The following SNX29 variants were observed in gnomAD, a reference collection of about 807,000 sequenced individuals.
SNX29 encodes sorting nexin-29.
In SNX29, 78 loss-of-function variants were observed where a neutral mutation model predicts 102.1. The ratio of observed to expected loss-of-function variants is 0.76; its 90% CI spans 0.64 to 0.92. SNX29 has a LOEUF of 0.92. Among genes scored for constraint, SNX29 ranks in the 40% least tolerant of loss-of-function variants. The pLI is 0.00. For synonymous variants in SNX29, 580 were observed against 414.5 expected, an observed-to-expected ratio of 1.40 and a Z score of -4.85; for missense variants, 1,280 against 1,061.7, an observed-to-expected ratio of 1.21 and a Z score of -2.86.
Position 12,485,255 on chromosome 16 carries a change from G to T in SNX29, c.2178+7396G>T, listed in dbSNP as rs16959733. Among the ~76,000 whole-genome samples, 930 of 152,296 alleles carry T rather than the reference G, an allele frequency of 6.1e-3. 14 individuals carry two copies. Among genetic ancestry groups the T allele is most frequent in the African/African-American group, 0.022 (896 of 41,564 alleles). ...GAGGGAGTTGACCGGTGAGCTGCCTGTCCAAATGGGCTTTAGCAGCATGAG... is the reference window on the plus strand; with the variant it reads ...GAGGGAGTTGACCGGTGAGCTGCCTTTCCAAATGGGCTTTAGCAGCATGAG... On this transcript the variant is annotated intron_variant, in intron 19 of 20. Coordinates refer to ENST00000566228, the MANE Select transcript of SNX29 (RefSeq NM_032167.5).
rs148516611 is a variant in SNX29 at position 12,570,462 on chromosome 16, G to T, written c.*1833G>T. Reference sequence around the variant, plus strand: ...GCCCTAATGGACTGAGGCAGGAAACGTCTAAAAGCTCAATCTGCTGTATGT... The same window carrying T: ...GCCCTAATGGACTGAGGCAGGAAACTTCTAAAAGCTCAATCTGCTGTATGT... On this transcript the variant is annotated 3_prime_UTR_variant, in exon 21 of 21. Transcript: ENST00000566228. 1 of 235,836 alleles carries T rather than the reference G, an allele frequency of 4.2e-6. No homozygotes were observed. The highest frequency in any genetic ancestry group is 8.3e-6 in the Non-Finnish European group (1 of 120,594). 14.6% of individuals were successfully genotyped at this position (235,836 alleles called of 1,614,324 possible). A position where few individuals can be genotyped will look rare whatever the true frequency, so the allele number is the denominator to read the frequency against.
At chr16:12,360,908 T>C (rs781128174) in intron 16 of SNX29, among the ~76,000 whole-genome samples, 1 of 152,194 alleles carries the variant, frequency 6.6e-6, no homozygotes, top group Non-Finnish European at 1.5e-5. Context: ...GTGTATGTAA[T>C]AGAGCCTGGA....
At chr16:12,396,824 G>A (rs372527279) in intron 16 of SNX29, among the ~76,000 whole-genome samples, 3 of 152,190 alleles carry the variant, frequency 2.0e-5, no homozygotes, top group East Asian at 3.9e-4. Flanking sequence ...GATATATAAT[G>A]TATCTGCTTA....
intron 4 of SNX29, among the ~76,000 whole-genome samples, chr16:12,032,240 G>T (rs1404830428): frequency 7.4e-6 from 1 of 134,764 alleles, no homozygotes; most frequent in African/African-American, 2.8e-5. Context: ...TTGCTCTGTT[G>T]CCCAGTTTGC....
intron 14 of SNX29, among the ~76,000 whole-genome samples, chr16:12,275,461 T>C (rs766545723): frequency 6.6e-6 from 1 of 152,270 alleles, no homozygotes; most frequent in Non-Finnish European, 1.5e-5. Context: ...AAACAGACTT[T>C]TAAAACCTTT....
rs532748657 is a variant in SNX29 at position 12,462,307 on chromosome 16, T to C, written c.2038-15412T>C. On this transcript the variant is annotated intron_variant, in intron 18 of 20. Transcript: ENST00000566228. ...GAGACGTGCCTTTCATTTTGGGATGTGACTTGCCTTTTCAAGTACCTCTAC... is the reference window on the plus strand; with the variant it reads ...GAGACGTGCCTTTCATTTTGGGATGCGACTTGCCTTTTCAAGTACCTCTAC... 4.6e-5 allele frequency among the ~76,000 whole-genome samples: 7 copies of C among 152,166 alleles called. No individual in the cohort carries two copies. In the South Asian group the frequency reaches 1.2e-3, roughly 27 times the overall value.
intron 11 of SNX29, among the ~76,000 whole-genome samples, chr16:12,124,110 C>T (rs1370464595): frequency 6.6e-6 from 1 of 152,186 alleles, no homozygotes; most frequent in Non-Finnish European, 1.5e-5. Flanking sequence ...GTAATCCCAG[C>T]ACTTTGGGAG....
intron 20 of SNX29, among the ~76,000 whole-genome samples, chr16:12,546,995 C>T (rs545988913): frequency 6.6e-6 from 1 of 152,222 alleles, no homozygotes; most frequent in African/African-American, 2.4e-5. Flanking sequence ...TTACAGTGCA[C>T]CATTTCAGAT....
At chr16:12,138,837 A>T (rs2054759097) in intron 13 of SNX29, among the ~76,000 whole-genome samples, 1 of 152,080 alleles carries the variant, frequency 6.6e-6, no homozygotes, top group Non-Finnish European at 1.5e-5. Flanking sequence ...CTTTCTAGGT[A>T]TGTAGGTGAG....
intron 14 of SNX29, among the ~76,000 whole-genome samples, chr16:12,241,175 T>G (rs2078093226): frequency 6.6e-6 from 1 of 152,246 alleles, no homozygotes; most frequent in South Asian, 2.1e-4. Flanking sequence ...TTATAATTTT[T>G]TAAGCTGCCT....
intron 15 of SNX29, among the ~76,000 whole-genome samples, chr16:12,283,872 G>C (rs973884959): frequency 6.6e-6 from 1 of 152,218 alleles, no homozygotes; most frequent in African/African-American, 2.4e-5. Context: ...CCTAACCACA[G>C]CTTCTTTAGA....
chr16:12,184,171 A>C (rs1042081805), intron 13 of SNX29, among the ~76,000 whole-genome samples: 2 of 152,156 alleles, frequency 1.3e-5, no homozygotes, highest in Non-Finnish European at 2.9e-5. Flanking sequence ...CTTTTCTGTA[A>C]TAGTATTATG....
In SNX29 at chr16:12,098,576, G is replaced by A. The variant is rs1311215559; in HGVS notation, c.1402+19661G>A. Among the ~76,000 whole-genome samples, 3 of 152,092 alleles carry A rather than the reference G, an allele frequency of 2.0e-5. No individual in the cohort carries two copies. The highest frequency in any genetic ancestry group is 4.4e-5 in the Non-Finnish European group (3 of 68,024). On this transcript the variant is annotated intron_variant, in intron 11 of 20. Coordinates refer to ENST00000566228, the MANE Select transcript of SNX29 (RefSeq NM_032167.5). The surrounding 1 kb of genome is among the most constrained non-coding windows in gnomAD (Gnocchi z 6.0). ...GCGCAGACGATTCAGTTTCATGCGC[G>A]CCCGATTCAGTTTCATGCTCTTCCG...
At chr16:12,476,692 C>T (rs1336799284) in intron 18 of SNX29, among the ~76,000 whole-genome samples, 2 of 151,756 alleles carry the variant, frequency 1.3e-5, no homozygotes, top group Non-Finnish European at 1.5e-5. Context: ...TCTATCCATT[C>T]GCTAATTGAA....
At chr16:12,207,156 G>T (rs542423577) in intron 14 of SNX29, among the ~76,000 whole-genome samples, 7 of 152,126 alleles carry the variant, frequency 4.6e-5, no homozygotes, top group African/African-American at 1.7e-4. Flanking sequence ...ATCACCAGAG[G>T]TCAGGAGTTC....
intron 20 of SNX29, chr16:12,556,677 T>C (rs1334448523): frequency 2.0e-5 from 3 of 152,152 alleles, no homozygotes; most frequent in Non-Finnish European, 4.4e-5. Context: ...GAAGCAGTAG[T>C]CATGTGTCTG....
intron 20 of SNX29, among the ~76,000 whole-genome samples, chr16:12,562,795 A>C (rs1459552084): frequency 1.3e-5 from 2 of 152,130 alleles, no homozygotes; most frequent in African/African-American, 2.4e-5. Context: ...CACCATCAAG[A>C]TGTGGAACAA....
intron 14 of SNX29, among the ~76,000 whole-genome samples, chr16:12,241,519 G>T (rs935879792): frequency 1.3e-5 from 2 of 151,930 alleles, no homozygotes; most frequent in Non-Finnish European, 2.9e-5. Context: ...GAGTGCAGTG[G>T]CATGATCTTA....
At position 12,569,112 on chromosome 16, in the gene SNX29, G is replaced by C. The variant is rs1003255733; in HGVS notation, c.*483G>C. On this transcript the variant is annotated 3_prime_UTR_variant, in exon 21 of 21. Transcript: ENST00000566228. ...TATTACCTGGCCTAACCTAGGGATG[G>C]CTGGCTTTGCGGGGGGGGGGGGGGG... 1.6e-4 allele frequency: 10 copies of C among 62,308 alleles called. No homozygotes were observed. The highest frequency in any genetic ancestry group is 1.6e-3 in the Admixed American group (10 of 6,242). The allele number at this position is 62,308 out of a possible 1,614,324, so 3.9% of individuals were successfully genotyped here. A position where few individuals can be genotyped will look rare whatever the true frequency, so the allele number is the denominator to read the frequency against.
Sources: allele counts gnomAD v4.1 joint callset (sites outside exome capture counted in the v4.1 genomes callset), GRCh38; gene constraint gnomAD v4.1.1; non-coding constraint Gnocchi (gnomAD v3.1); transcripts MANE v1.5; gene names NCBI Gene and HGNC (gene_info 2026-07-23, HGNC 2026-07-21).